TTLL3: variants seen among roughly 807,000 people sequenced by gnomAD.
TTLL3 encodes tubulin monoglycylase TTLL3.
In TTLL3, 63 loss-of-function variants were observed where a neutral mutation model predicts 75.2. That is an observed-to-expected ratio of 0.84 (90% CI 0.68 to 1.03). The LOEUF (loss-of-function observed/expected upper bound fraction) is 1.03. Among genes scored for constraint, TTLL3 ranks in the 50% least tolerant of loss-of-function variants. The probability of loss-of-function intolerance (pLI) is 0.00; values close to 1 mark genes in which losing one functional copy is unlikely to be tolerated. For missense variants in TTLL3, 997 were observed against 1,069.9 expected, an observed-to-expected ratio of 0.93 and a Z score of 0.95; for synonymous variants, 393 against 418.5, an observed-to-expected ratio of 0.94 and a Z score of 0.74.
chr3:9,823,411 T>G (rs1043362287), intron 8 of TTLL3, among the ~76,000 whole-genome samples: 56 of 150,982 alleles, frequency 3.7e-4, no homozygotes, highest in African/African-American at 1.3e-3. Context: ...AGTTTTTTTT[T>G]TTTTTTTTTT....
chr3:9,811,003 G>A (rs1341020019), intron 2 of TTLL3, among the ~76,000 whole-genome samples: 1 of 151,882 alleles, frequency 6.6e-6, no homozygotes, highest in Admixed American at 6.6e-5. Context: ...TGGGCACCCT[G>A]TATCTTTCGA....
At chr3:9,822,101 T>C (rs1422428822) in intron 8 of TTLL3, among the ~76,000 whole-genome samples, 1 of 143,018 alleles carries the variant, frequency 7.0e-6, no homozygotes, top group East Asian at 2.2e-4. Context: ...AATCTTGTTC[T>C]GTTGCCCAGG....
rs200645718 is a variant in TTLL3 at position 9,834,801 on chromosome 3, C to T, written c.1946C>T (p.Ser649Leu). 355 of 1,614,200 alleles carry T rather than the reference C, an allele frequency of 2.2e-4. 2 individuals carry two copies. In the South Asian group the frequency reaches 2.6e-3, roughly 12 times the overall value. Residue 649 changes from serine (S) to leucine (L), a missense_variant, in exon 13 of 14, where the codon TCG becomes TTG. By Grantham distance (145) the Ser-to-Leu change is moderately radical (BLOSUM62 -2). Transcript: ENST00000685419. ...AAGCTGGTGGGCACTAAGGCCCTGTCGACCACAGGCAAGGCCTTGAGGACT... is the reference window on the plus strand; with the variant it reads ...AAGCTGGTGGGCACTAAGGCCCTGTTGACCACAGGCAAGGCCTTGAGGACT... ...HSKLVGTKAL[S>L]TTGKALRTLP...
intron 10 of TTLL3, chr3:9,827,532 G>C (rs1313797520): frequency 5.1e-6 from 2 of 391,934 alleles, no homozygotes; most frequent in Admixed American, 8.0e-5. Context: ...CCTCCCAAGT[G>C]TCTGAGACCA....
intron 6 of TTLL3, chr3:9,818,400 G>A (rs564545425): frequency 3.4e-3 from 536 of 158,692 alleles, no homozygotes; most frequent in Non-Finnish European, 4.4e-3. Flanking sequence ...ACGGAGTCTC[G>A]CTCTGTCACC....
rs1265942098 is a variant in TTLL3, at chr3:9,810,727, G to A, written c.48+18G>A. On this transcript the variant is annotated intron_variant, in intron 2 of 13. Coordinates refer to ENST00000685419, the MANE Select transcript of TTLL3 (RefSeq NM_001387446.1). The surrounding 1 kb of genome is among the most constrained non-coding windows in gnomAD (Gnocchi z 4.4). Reference sequence around the variant, plus strand: ...CTGTCAAGGTCAGAGGAGGGGCAGGGGCGCTTAGAAAGGGCCCTGGGAGCG... The same window carrying A: ...CTGTCAAGGTCAGAGGAGGGGCAGGAGCGCTTAGAAAGGGCCCTGGGAGCG... The A allele has an allele frequency of 2.5e-6, 4 of 1,577,332 alleles. No individual in the cohort carries two copies. Among genetic ancestry groups the A allele is most frequent in the Non-Finnish European group, 3.4e-6 (4 of 1,161,838 alleles).
chr3:9,835,404 ATT>A lies in TTLL3; in HGVS notation c.2365_2366del (p.Leu789GlyfsTer3), dbSNP rs371669135. ...CCAAATAAAAAGAAACAAGTGAAGT[ATT>A]TGGGGCTTGACTCCATTGCTGTTGG... is the stretch of plus-strand genomic sequence containing the variant. On this transcript the variant is annotated frameshift_variant, in exon 14 of 14. Transcript: ENST00000685419. LOFTEE classifies it low-confidence loss of function (END_TRUNC). 1.0e-4 allele frequency: 162 copies of A among 1,613,518 alleles called. 1 individual carries two copies. In the African/African-American group the frequency reaches 2.0e-3, roughly 20 times the overall value.
At position 9,829,044 on chromosome 3, in the gene TTLL3, G is replaced by A. The variant is rs1362975619; in HGVS notation, c.1332G>A (p.Met444Ile). The A allele has an allele frequency of 6.2e-7, 1 of 1,614,130 alleles. No homozygotes were observed. The highest frequency in any genetic ancestry group is 8.5e-7 in the Non-Finnish European group (1 of 1,180,056). Reference sequence around the variant, plus strand: ...ATCCACTGCTTCCGCCAGACAACATGTGGTCTAGCCAGAGGTTCCAGGCCC... The same window carrying A: ...ATCCACTGCTTCCGCCAGACAACATATGGTCTAGCCAGAGGTTCCAGGCCC... ...HRHPLLPPDN[M>I]WSSQRFQAHL... The change falls in exon 11 of 14, where the codon ATG becomes ATA. Residue 444 changes from methionine (M) to isoleucine (I), a missense_variant. Coordinates refer to ENST00000685419, the MANE Select transcript of TTLL3 (RefSeq NM_001387446.1).
At chr3:9,817,934 C>T in intron 6 of TTLL3, 175 bp downstream of exon 6, 1 of 815,662 alleles carries the variant, frequency 1.2e-6, no homozygotes, top group Non-Finnish European at 1.9e-6. Flanking sequence ...CCTTAATAAG[C>T]CTCTTAGCTT....
chr3:9,813,132 C>T (rs1463897295), intron 3 of TTLL3, 21 bp downstream of exon 3: 2 of 1,591,978 alleles, frequency 1.3e-6, no homozygotes, highest in African/African-American at 2.7e-5. Context: ...CCTTCCCTTT[C>T]CACAGCTGTT....
intron 12 of TTLL3, chr3:9,834,428 C>T (rs750067776): frequency 2.0e-5 from 14 of 683,858 alleles, no homozygotes; most frequent in South Asian, 1.0e-4. Context: ...ATTTTCCAGC[C>T]GAGGTATCAG....
In TTLL3 at chr3:9,827,086, A is replaced by G. The variant is rs147553811; in HGVS notation, c.1093A>G (p.Lys365Glu). The G allele has an allele frequency of 1.2e-6, 2 of 1,614,198 alleles. No homozygotes were observed. Among genetic ancestry groups the G allele is most frequent in the Non-Finnish European group, 1.7e-6 (2 of 1,180,038 alleles). ...VMKDGKWVVQ[K>E]YIERPLLIFG... Reference sequence around the variant, plus strand: ...GAAGGACGGCAAGTGGGTGGTGCAGAAGTATATTGAGCGGCCCCTCCTCAT... The same window carrying G: ...GAAGGACGGCAAGTGGGTGGTGCAGGAGTATATTGAGCGGCCCCTCCTCAT... The change falls in exon 10 of 14, where the codon AAG becomes GAG. Residue 365 changes from lysine (K) to glutamate (E), a missense_variant. Coordinates refer to ENST00000685419, the MANE Select transcript of TTLL3 (RefSeq NM_001387446.1).
At position 9,817,762 on chromosome 3, in the gene TTLL3, A is replaced by G. The variant is rs1251348865; in HGVS notation, c.559+3A>G. 6.2e-7 allele frequency: 1 copy of G among 1,614,152 alleles called. No homozygotes were observed. Among genetic ancestry groups the G allele is most frequent in the Admixed American group, 1.7e-5 (1 of 60,018 alleles). On this transcript the variant is annotated splice_donor_region_variant and intron_variant, in intron 6 of 13. Coordinates refer to ENST00000685419, the MANE Select transcript of TTLL3 (RefSeq NM_001387446.1). ...GGATGACAAAAAAGCCTTCATAGGT[A>G]AGGAGACCCCCAGCCCTATGCCTGA...
At chr3:9,818,015 C>G in intron 6 of TTLL3, 1 of 432,368 alleles carries the variant, frequency 2.3e-6, no homozygotes, top group African/African-American at 2.0e-5. Context: ...AAAAGTTGGT[C>G]AGTCCCTTGA....
chr3:9,810,895 C>T lies in TTLL3; in HGVS notation c.48+186C>T, dbSNP rs2079291790. Among the ~76,000 whole-genome samples the T allele has an allele frequency of 6.6e-6, 1 of 152,212 alleles. No individual in the cohort carries two copies. The highest frequency in any genetic ancestry group is 2.4e-5 in the African/African-American group (1 of 41,458). ...CCTTCAGCACCAAACTTCTGGGCTC[C>T]CTCCACTCTGGTTCCCTGCGATGTC... On this transcript the variant is annotated intron_variant, in intron 2 of 13. Coordinates refer to ENST00000685419, the MANE Select transcript of TTLL3 (RefSeq NM_001387446.1). This position sits in a 1 kb window ranked among gnomAD's most constrained non-coding sequence, Gnocchi z 4.4.
In TTLL3 at chr3:9,834,892, C is replaced by T. The variant is rs539081979; in HGVS notation, c.2037C>T (p.Ile679=). 6.2e-7 allele frequency: 1 copy of T among 1,614,228 alleles called. No homozygotes were observed. The highest frequency in any genetic ancestry group is 1.1e-5 in the South Asian group (1 of 91,086). The part of the protein sequence containing the change: ...PNLDFKVAPS[I]LKPRKAPALL... ...TTGATTTCAAGGTGGCACCCAGCAT[C>T]CTGAAGCCAAGAAAGGTGGGCCTCG... Residue 679 remains isoleucine (I), a synonymous_variant, in exon 13 of 14, where the codon ATC becomes ATT. Coordinates refer to ENST00000685419, the MANE Select transcript of TTLL3 (RefSeq NM_001387446.1).
At chr3:9,818,968 C>T (rs2080155130) in intron 7 of TTLL3, 48 bp downstream of exon 7, 2 of 1,612,192 alleles carry the variant, frequency 1.2e-6, no homozygotes, top group Non-Finnish European at 1.7e-6. Flanking sequence ...ATCCTCCACC[C>T]ATCCGCCCTT....
At chr3:9,817,406 A>G (rs896096172) in intron 5 of TTLL3, 1 of 977,846 alleles carries the variant, frequency 1.0e-6, no homozygotes, top group Non-Finnish European at 1.2e-6. Flanking sequence ...CCTGGGTGAC[A>G]GAGTGAGACT....
At chr3:9,819,624 T>C in intron 7 of TTLL3, 2 of 985,672 alleles carry the variant, frequency 2.0e-6, no homozygotes, top group Non-Finnish European at 2.4e-6. Context: ...CTCACTATCA[T>C]GCATGCCAAC....
Sources: gnomAD v4.1 joint callset for allele counts (sites outside exome capture counted in the v4.1 genomes callset) on GRCh38, gnomAD v4.1.1 for gene constraint, Gnocchi (gnomAD v3.1) non-coding constraint, MANE v1.5 for transcripts, NCBI Gene and HGNC (gene_info 2026-07-23, HGNC 2026-07-21) for gene names.